The following CSMD1 variants were observed in gnomAD, a reference collection of about 807,000 sequenced individuals.
CSMD1 encodes the protein CUB and sushi domain-containing protein 1.
In CSMD1, 213 loss-of-function variants were observed where a neutral mutation model predicts 417.5. That is an observed-to-expected ratio of 0.51 (90% CI 0.46 to 0.57). The LOEUF (loss-of-function observed/expected upper bound fraction) is 0.57. Among genes scored for constraint, CSMD1 ranks in the 20% least tolerant of loss-of-function variants. CSMD1 has a pLI of 0.00. For synonymous variants in CSMD1, 2,862 were observed against 1,736.8 expected (o/e 1.65, Z -16.11); for missense variants, 6,923 against 4,529.7 (o/e 1.53, Z -15.17).
In CSMD1 at chr8:4,358,393, C is replaced by G. The variant is rs141140277; in HGVS notation, c.415+61560G>C. Among the ~76,000 whole-genome samples, 456 of 152,208 alleles carry G rather than the reference C, an allele frequency of 3.0e-3. 3 individuals carry two copies. The highest frequency in any genetic ancestry group is 9.9e-3 in the African/African-American group (412 of 41,546). On this transcript the variant is annotated intron_variant, in intron 3 of 69. Coordinates refer to ENST00000635120, the MANE Select transcript of CSMD1 (RefSeq NM_033225.6). ...ATGGTTGAAAAGAAAAAGAAGGGGA[C>G]TGTTTCGTGACACGTGAAAATATAT...
intron 10 of CSMD1, among the ~76,000 whole-genome samples, chr8:3,500,668 G>A (rs1205143056): frequency 1.3e-5 from 2 of 152,132 alleles, no homozygotes; most frequent in African/African-American, 4.8e-5. Context: ...AGGAGGGAGT[G>A]ATCACATGTG....
chr8:2,942,179 C>A (rs1361344511), intron 69 of CSMD1, among the ~76,000 whole-genome samples: 1 of 151,712 alleles, frequency 6.6e-6, no homozygotes, highest in Non-Finnish European at 1.5e-5. Context: ...CTGTGGGGGG[C>A]TGGAGGGAGG....
At chr8:3,886,222 G>C (rs368776408) in intron 5 of CSMD1, among the ~76,000 whole-genome samples, 3 of 151,964 alleles carry the variant, frequency 2.0e-5, no homozygotes, top group Admixed American at 6.6e-5. Context: ...GCTAATTTCT[G>C]TATTTTAGTA....
intron 59 of CSMD1, 28 bp downstream of exon 59, chr8:2,965,747 G>C: frequency 6.4e-7 from 1 of 1,572,570 alleles, no homozygotes; most frequent in Non-Finnish European, 8.7e-7. Context: ...ATACACATCT[G>C]TAAAATCCAA....
intron 3 of CSMD1, among the ~76,000 whole-genome samples, chr8:4,161,135 T>C (rs537214792): frequency 1.3e-5 from 2 of 148,906 alleles, no homozygotes; most frequent in South Asian, 2.1e-4. Context: ...AAAAAAAAAG[T>C]CATGTCTTAA....
chr8:4,914,800 A>G (rs1431192486), intron 1 of CSMD1, among the ~76,000 whole-genome samples: 1 of 152,174 alleles, frequency 6.6e-6, no homozygotes, highest in Admixed American at 6.5e-5. Flanking sequence ...ACCACAATGT[A>G]AGACAAAGCT....
intron 3 of CSMD1, among the ~76,000 whole-genome samples, chr8:4,300,476 A>C (rs1797922366): frequency 1.3e-5 from 2 of 152,252 alleles, no homozygotes; most frequent in Admixed American, 1.3e-4. Context: ...TTAACTACAT[A>C]AATACAGTCT....
At chr8:4,919,839 C>G (rs1053240409) in intron 1 of CSMD1, among the ~76,000 whole-genome samples, 5 of 152,108 alleles carry the variant, frequency 3.3e-5, no homozygotes, top group African/African-American at 9.7e-5. Flanking sequence ...CCCTTTTGCC[C>G]TTTCACCTTC....
rs1005218574 is a variant in CSMD1 at position 4,202,912 on chromosome 8, C to A, written c.416-170813G>T. ...GAAGGGGCATGGACTGTGTGGACAC[C>A]TGGAGTGAGGAGAGATGTTGGCCTT... On this transcript the variant is annotated intron_variant, in intron 3 of 69. Coordinates refer to ENST00000635120, the MANE Select transcript of CSMD1 (RefSeq NM_033225.6). Among the ~76,000 whole-genome samples the A allele has an allele frequency of 9.2e-5, 14 of 152,104 alleles. 1 individual carries two copies. The highest frequency in any genetic ancestry group is 2.6e-4 in the Admixed American group (4 of 15,262).
chr8:3,408,280 C>T, intron 13 of CSMD1, 55 bp from the exon 14 acceptor site: 1 of 1,372,454 alleles, frequency 7.3e-7, no homozygotes, highest in Non-Finnish European at 9.9e-7. Flanking sequence ...AAAGAATTGC[C>T]ATGTGAAACA....
intron 2 of CSMD1, among the ~76,000 whole-genome samples, chr8:4,454,594 G>C (rs139955919): frequency 4.6e-4 from 70 of 152,288 alleles, no homozygotes; most frequent in African/African-American, 1.6e-3. Flanking sequence ...TTTAGGGCTG[G>C]CTGGGGAAGG....
At chr8:4,827,249 A>C (rs369667797) in intron 1 of CSMD1, among the ~76,000 whole-genome samples, 2 of 152,146 alleles carry the variant, frequency 1.3e-5, no homozygotes, top group Non-Finnish European at 2.9e-5. Context: ...TTGTAATCCA[A>C]ATGAATTTAA....
chr8:4,472,322 A>T (rs1800581728), intron 2 of CSMD1, among the ~76,000 whole-genome samples: 1 of 152,176 alleles, frequency 6.6e-6, no homozygotes, highest in Admixed American at 6.5e-5. Flanking sequence ...ACAACTTACC[A>T]ATAGTAGAGA....
At chr8:4,085,590 C>T (rs986492401) in intron 3 of CSMD1, among the ~76,000 whole-genome samples, 12 of 152,088 alleles carry the variant, frequency 7.9e-5, no homozygotes, top group African/African-American at 2.4e-4. Flanking sequence ...AAACTATCGA[C>T]GCTTGCAACA....
intron 1 of CSMD1, among the ~76,000 whole-genome samples, chr8:4,699,743 T>C (rs1360768737): frequency 6.6e-6 from 1 of 152,226 alleles, no homozygotes; most frequent in Non-Finnish European, 1.5e-5. Flanking sequence ...CTGTGATTCA[T>C]GGAAAGCAGT....
chr8:4,896,759 A>C (rs981381407), intron 1 of CSMD1, among the ~76,000 whole-genome samples: 3 of 152,032 alleles, frequency 2.0e-5, no homozygotes, highest in Non-Finnish European at 4.4e-5. Flanking sequence ...AGATTGAAGG[A>C]ATAAGGGAAG....
chr8:4,032,665 G>A (rs1176291927), intron 3 of CSMD1, among the ~76,000 whole-genome samples: 1 of 152,122 alleles, frequency 6.6e-6, no homozygotes, highest in Middle Eastern at 3.2e-3. Context: ...ATAAAAAAAT[G>A]TTCCACTACT....
At chr8:3,116,607 T>C (rs1023537366) in intron 42 of CSMD1, among the ~76,000 whole-genome samples, 13 of 152,212 alleles carry the variant, frequency 8.5e-5, no homozygotes, top group African/African-American at 3.1e-4. Context: ...TTAGGAAAGG[T>C]GGCAGGCATC....
At chr8:4,627,862 T>C (rs1203932735) in intron 2 of CSMD1, among the ~76,000 whole-genome samples, 2 of 152,166 alleles carry the variant, frequency 1.3e-5, no homozygotes. Context: ...GTTTTCACCC[T>C]TGGCATTTCT....
Sources: gnomAD v4.1 joint callset for allele counts (sites outside exome capture counted in the v4.1 genomes callset) on GRCh38, gnomAD v4.1.1 for gene constraint, MANE v1.5 for transcripts, NCBI Gene and HGNC (gene_info 2026-07-23, HGNC 2026-07-21) for gene names.